CSRNP3: variants seen among roughly 807,000 people sequenced by gnomAD.
The protein encoded by CSRNP3 is cysteine/serine-rich nuclear protein 3.
Under a neutral mutation model 48.0 loss-of-function variants are expected in CSRNP3, and 12 were observed. The ratio of observed to expected loss-of-function variants is 0.25; its 90% CI spans 0.16 to 0.41. The LOEUF (loss-of-function observed/expected upper bound fraction) is 0.41. Ranked by LOEUF, CSRNP3 falls within the 10% of genes least tolerant of loss-of-function variation. The pLI is 1.00. For synonymous variants in CSRNP3, 263 were observed against 269.7 expected (o/e 0.98, Z 0.24); for missense variants, 580 against 724.4 (o/e 0.80, Z 2.29).
At chr2:165,605,890 C>T (rs1686001967) in intron 4 of CSRNP3, among the ~76,000 whole-genome samples, 1 of 151,790 alleles carries the variant, frequency 6.6e-6, no homozygotes, top group South Asian at 2.1e-4. Flanking sequence ...AGTTTAAAAC[C>T]CATGGAATTA....
chr2:165,478,510 C>T (rs1264772393), intron 1 of CSRNP3, among the ~76,000 whole-genome samples: 1 of 152,222 alleles, frequency 6.6e-6, no homozygotes, highest in Non-Finnish European at 1.5e-5. Flanking sequence ...GTTTAAACTT[C>T]TTCTCTATGA....
chr2:165,682,456 C>G lies in CSRNP3; in HGVS notation c.*2703C>G, dbSNP rs887583715. On this transcript the variant is annotated 3_prime_UTR_variant, in exon 7 of 7. Coordinates refer to ENST00000651982, the MANE Select transcript of CSRNP3 (RefSeq NM_001172173.2). ...TAACACATACACATGCACACACATACAAAATATATACATATCACACACTTA... is the reference window on the plus strand; with the variant it reads ...TAACACATACACATGCACACACATAGAAAATATATACATATCACACACTTA... The G allele has an allele frequency of 2.0e-5, 3 of 152,022 alleles. No individual in the cohort carries two copies. Among genetic ancestry groups the G allele is most frequent in the Non-Finnish European group, 4.4e-5 (3 of 68,004 alleles). The allele number at this position is 152,022 out of a possible 1,614,324, so 9.4% of individuals were successfully genotyped here.
chr2:165,519,155 C>T (rs2105233186), intron 3 of CSRNP3, among the ~76,000 whole-genome samples: 1 of 150,510 alleles, frequency 6.6e-6, no homozygotes, highest in Middle Eastern at 3.4e-3. Flanking sequence ...AAGTATAAAA[C>T]AAGTAAGAAA....
intron 4 of CSRNP3, among the ~76,000 whole-genome samples, chr2:165,647,860 AC>A (rs1686839107): frequency 6.6e-6 from 1 of 152,150 alleles, no homozygotes; most frequent in Non-Finnish European, 1.5e-5. Flanking sequence ...CTAGGCTGTT[AC>A]GATGTTCTGT....
At chr2:165,520,068 AAAGAT>A (rs202234986) in intron 3 of CSRNP3, among the ~76,000 whole-genome samples, 2,357 of 152,320 alleles carry the variant, frequency 0.015, 30 homozygotes, top group South Asian at 0.031. Context: ...ACCAGAAAGA[AAAGAT>A]ATTATTTTTT....
At chr2:165,588,625 A>G (rs1685668681) in intron 3 of CSRNP3, among the ~76,000 whole-genome samples, 1 of 152,134 alleles carries the variant, frequency 6.6e-6, no homozygotes, top group Non-Finnish European at 1.5e-5. Context: ...TGCCTGTCCA[A>G]CTTTACCTCT....
chr2:165,582,675 T>A lies in CSRNP3; in HGVS notation c.-23-12368T>A, dbSNP rs1005191251. Among the ~76,000 whole-genome samples the A allele has an allele frequency of 6.6e-5, 10 of 152,360 alleles. No homozygotes were observed. The East Asian group carries it at 1.9e-3, about 29-fold the overall frequency. On this transcript the variant is annotated intron_variant, in intron 3 of 6. Coordinates refer to ENST00000651982, the MANE Select transcript of CSRNP3 (RefSeq NM_001172173.2). ...GTTCCCAGTGAATCATCTTTCCAAGTTCTGGATACCCACCAAAGCTGGGGA... is the reference window on the plus strand; with the variant it reads ...GTTCCCAGTGAATCATCTTTCCAAGATCTGGATACCCACCAAAGCTGGGGA...
rs374777311 is a variant in CSRNP3, at chr2:165,492,934, T to TA, written c.-282-1807dup. Among the ~76,000 whole-genome samples the TA allele has an allele frequency of 4.9e-3, 448 of 90,734 alleles. 7 individuals carry two copies. The highest frequency in any genetic ancestry group is 0.012 in the South Asian group (31 of 2,588). The allele number at this position is 90,734 out of a possible 152,430, so 59.5% of individuals were successfully genotyped here. ...ACCAAAGGATGATACTCAAATTCCCTAAAAAAAAAAAAAAAAAAGGAGTCA... is the reference window on the plus strand; with the variant it reads ...ACCAAAGGATGATACTCAAATTCCCTAAAAAAAAAAAAAAAAAAAGGAGTCA... On this transcript the variant is annotated intron_variant, in intron 1 of 6. Coordinates refer to ENST00000651982, the MANE Select transcript of CSRNP3 (RefSeq NM_001172173.2).
At chr2:165,669,268 A>AG (rs1401936997) in intron 5 of CSRNP3, among the ~76,000 whole-genome samples, 3 of 152,216 alleles carry the variant, frequency 2.0e-5, no homozygotes, top group Non-Finnish European at 4.4e-5. Context: ...AGTGCTAAAA[A>AG]GAAGTGTTTT....
At chr2:165,540,683 C>T (rs1022832107) in intron 3 of CSRNP3, among the ~76,000 whole-genome samples, 3 of 151,938 alleles carry the variant, frequency 2.0e-5, no homozygotes, top group African/African-American at 7.2e-5. Context: ...CCCAGGAATC[C>T]CTGCTGGCTT....
intron 3 of CSRNP3, among the ~76,000 whole-genome samples, chr2:165,563,200 C>G (rs1374984498): frequency 6.6e-6 from 1 of 152,088 alleles, no homozygotes. Flanking sequence ...GAGAAGGACC[C>G]CATACTTCTA....
intron 3 of CSRNP3, among the ~76,000 whole-genome samples, chr2:165,559,435 A>C (rs1685201745): frequency 6.6e-6 from 1 of 152,204 alleles, no homozygotes; most frequent in African/African-American, 2.4e-5. Flanking sequence ...TACTATCTTA[A>C]TTTTTAGCTT....
intron 4 of CSRNP3, among the ~76,000 whole-genome samples, chr2:165,653,849 G>A (rs1225632477): frequency 7.2e-5 from 11 of 151,726 alleles, no homozygotes; most frequent in South Asian, 2.1e-4. Flanking sequence ...GCAGATACCT[G>A]TAATCCCAGC....
intron 3 of CSRNP3, among the ~76,000 whole-genome samples, chr2:165,546,361 T>C (rs1363923451): frequency 6.6e-6 from 1 of 152,022 alleles, no homozygotes; most frequent in Non-Finnish European, 1.5e-5. Flanking sequence ...CCCAGCTAAC[T>C]TTTGTATTTT....
intron 2 of CSRNP3, among the ~76,000 whole-genome samples, chr2:165,495,730 C>G (rs1268601045): frequency 6.6e-6 from 1 of 152,086 alleles, no homozygotes; most frequent in Non-Finnish European, 1.5e-5. Flanking sequence ...TCACCCACCC[C>G]TCATGAGATG....
intron 2 of CSRNP3, among the ~76,000 whole-genome samples, chr2:165,495,608 A>G (rs2105461256): frequency 6.6e-6 from 1 of 152,174 alleles, no homozygotes; most frequent in African/African-American, 2.4e-5. Flanking sequence ...TCCTTTTCCA[A>G]CAGCTCTGTG....
chr2:165,567,525 T>C (rs558504488), intron 3 of CSRNP3, among the ~76,000 whole-genome samples: 41 of 152,212 alleles, frequency 2.7e-4, no homozygotes, highest in African/African-American at 9.9e-4. Context: ...GGCCATTCAC[T>C]GGCCACTTAA....
At position 165,626,449 on chromosome 2, in the gene CSRNP3, C is replaced by T. The variant is rs184355817; in HGVS notation, c.148+31236C>T. On this transcript the variant is annotated intron_variant, in intron 4 of 6. Transcript: ENST00000651982. ...AAGCTTGTAATAAGTTAATCCTTAC[C>T]GTGTATATGGATTGGTGTACTGCAG... Among the ~76,000 whole-genome samples, 584 of 152,236 alleles carry T rather than the reference C, an allele frequency of 3.8e-3. 4 individuals are homozygous for T. The highest frequency in any genetic ancestry group is 0.02 in the Middle Eastern group (6 of 294).
At chr2:165,478,736 T>A (rs550393767) in intron 1 of CSRNP3, among the ~76,000 whole-genome samples, 28 of 152,236 alleles carry the variant, frequency 1.8e-4, no homozygotes, top group Non-Finnish European at 3.2e-4. Context: ...GAGCACAGTC[T>A]ACGGAGTCAG....
Sources: gnomAD v4.1 joint callset for allele counts (sites outside exome capture counted in the v4.1 genomes callset) on GRCh38, gnomAD v4.1.1 for gene constraint, MANE v1.5 for transcripts, NCBI Gene and HGNC (gene_info 2026-07-23, HGNC 2026-07-21) for gene names.